The following UMAD1 variants were observed in gnomAD, a reference collection of about 807,000 sequenced individuals.
UMAD1 encodes the protein UBAP1-MVB12-associated (UMA) domain containing 1, also known as UBAP1-MVB12-associated (UMA)-domain containing protein 1.
UMAD1 carries 8 observed loss-of-function variants against 6.1 expected under a neutral mutation model. The observed-to-expected ratio is 1.30, with a 90% CI of 0.76 to 2.35. The LOEUF (loss-of-function observed/expected upper bound fraction) is 2.35, where lower values mean the gene tolerates loss of function less well. Ranked by LOEUF, UMAD1 falls within the 30% of genes most tolerant of loss-of-function variation. UMAD1 has a pLI of 0.00. For missense variants in UMAD1, 130 were observed against 78.4 expected (o/e 1.66, Z -2.49); for synonymous variants, 56 against 31.4 (o/e 1.78, Z -2.61).
chr7:7,750,731 A>C (rs1273972653), intron 2 of UMAD1, among the ~76,000 whole-genome samples: 1 of 152,208 alleles, frequency 6.6e-6, no homozygotes, highest in Non-Finnish European at 1.5e-5. Flanking sequence ...GAGGTTAAGT[A>C]ACTTGCTCAA....
At chr7:7,709,472 A>T (rs1780693636) in intron 2 of UMAD1, among the ~76,000 whole-genome samples, 1 of 152,222 alleles carries the variant, frequency 6.6e-6, no homozygotes, top group Non-Finnish European at 1.5e-5. Flanking sequence ...AATGCTGTAA[A>T]ACAAAGCAGA....
At chr7:7,778,125 T>G (rs1782257494) in intron 2 of UMAD1, among the ~76,000 whole-genome samples, 1 of 152,146 alleles carries the variant, frequency 6.6e-6, no homozygotes, top group Admixed American at 6.6e-5. Context: ...CAATATTAGG[T>G]TCTCTGAAAA....
At chr7:7,847,385 C>A (rs1783824222) in intron 3 of UMAD1, among the ~76,000 whole-genome samples, 1 of 151,468 alleles carries the variant, frequency 6.6e-6, no homozygotes, top group African/African-American at 2.4e-5. Context: ...ACAGTATTGT[C>A]ATCACCATTT....
At position 7,692,793 on chromosome 7, in the gene UMAD1, A is replaced by G. The variant is rs557821266; in HGVS notation, c.82+19340A>G. Among the ~76,000 whole-genome samples, 308 of 152,168 alleles carry G rather than the reference A, an allele frequency of 2.0e-3. 2 individuals carry two copies. The Middle Eastern group carries it at 0.027, about 13-fold the overall frequency. On this transcript the variant is annotated intron_variant, in intron 2 of 3. Transcript: ENST00000682710. ...CCCAGCTAATTTTCGTATTTTTAGT[A>G]GAGACGGGGTTCACCATGTTGGTCA...
chr7:7,752,667 C>T (rs373506852), intron 2 of UMAD1, among the ~76,000 whole-genome samples: 8 of 151,714 alleles, frequency 5.3e-5, no homozygotes, highest in Non-Finnish European at 2.9e-5. Flanking sequence ...TTTTTAATTT[C>T]GTATGTGGAA....
intron 2 of UMAD1, among the ~76,000 whole-genome samples, chr7:7,753,658 T>C (rs1781721066): frequency 6.6e-6 from 1 of 152,222 alleles, no homozygotes. Context: ...CCACGTTTTC[T>C]CTATCCGTTC....
At chr7:7,713,071 G>T (rs1304980276) in intron 2 of UMAD1, among the ~76,000 whole-genome samples, 1 of 151,974 alleles carries the variant, frequency 6.6e-6, no homozygotes, top group Non-Finnish European at 1.5e-5. Flanking sequence ...GCGCGCGGTG[G>T]CTCACACCTA....
intron 2 of UMAD1, among the ~76,000 whole-genome samples, chr7:7,752,044 T>C (rs1414375231): frequency 6.6e-6 from 1 of 152,200 alleles, no homozygotes; most frequent in Non-Finnish European, 1.5e-5. Flanking sequence ...GGAGAAATTA[T>C]AGACTCCTAA....
At chr7:7,748,147 T>C (rs569969640) in intron 2 of UMAD1, among the ~76,000 whole-genome samples, 353 of 148,012 alleles carry the variant, frequency 2.4e-3, no homozygotes, top group Admixed American at 4.9e-3. Context: ...GGTTTCACCA[T>C]GTTGGCCAGG....
rs114687133 is a variant in UMAD1 at position 7,676,856 on chromosome 7, A to G, written c.82+3403A>G. Among the ~76,000 whole-genome samples, 794 of 152,244 alleles carry G rather than the reference A, an allele frequency of 5.2e-3. 8 individuals are homozygous for G. The highest frequency in any genetic ancestry group is 0.018 in the African/African-American group (750 of 41,562). ...TGACAGATTATTAGGAATATAGTTA[A>G]TTGTCTTTAAAGTTATAGTTAATTA... On this transcript the variant is annotated intron_variant, in intron 2 of 3. Transcript: ENST00000682710.
chr7:7,667,620 GT>G (rs771390482), intron 1 of UMAD1, among the ~76,000 whole-genome samples: 2 of 152,166 alleles, frequency 1.3e-5, no homozygotes, highest in Non-Finnish European at 1.5e-5. Context: ...TATGAAGTAA[GT>G]GAAGGTCTTC....
chr7:7,768,945 T>C lies in UMAD1; in HGVS notation c.83-32725T>C. On this transcript the variant is annotated intron_variant, in intron 2 of 3. Transcript: ENST00000682710. ...AATGAGTGAGCAACTAATTAATACC[T>C]ATAGCTCTCTGTGGTATTAGATGGA... Among the ~76,000 whole-genome samples the C allele has an allele frequency of 1.3e-5, 2 of 152,226 alleles. 1 individual carries two copies. The highest frequency in any genetic ancestry group is 4.1e-4 in the South Asian group (2 of 4,826).
At chr7:7,645,465 T>G (rs1260194369) in intron 1 of UMAD1, among the ~76,000 whole-genome samples, 1 of 152,208 alleles carries the variant, frequency 6.6e-6, no homozygotes, top group Admixed American at 6.5e-5. Context: ...TATGGTTATC[T>G]CATAGGCCAG....
intron 2 of UMAD1, among the ~76,000 whole-genome samples, chr7:7,717,108 G>T (rs1192508614): frequency 1.3e-5 from 2 of 149,052 alleles, no homozygotes; most frequent in Non-Finnish European, 3.0e-5. Context: ...CCAGGCTGGA[G>T]TGCAATGGCA....
chr7:7,852,407 T>C (rs1783934221), intron 3 of UMAD1, among the ~76,000 whole-genome samples: 1 of 152,148 alleles, frequency 6.6e-6, no homozygotes, highest in Non-Finnish European at 1.5e-5. Context: ...ATCCCACAGA[T>C]TGTGGGCTCA....
intron 3 of UMAD1, among the ~76,000 whole-genome samples, chr7:7,818,948 C>T (rs1783185130): frequency 6.6e-6 from 1 of 152,182 alleles, no homozygotes; most frequent in Non-Finnish European, 1.5e-5. Context: ...CTCCCAGGTC[C>T]AAGCGATTCT....
intron 3 of UMAD1, among the ~76,000 whole-genome samples, chr7:7,856,100 C>T (rs1418282860): frequency 6.6e-6 from 1 of 152,206 alleles, no homozygotes; most frequent in Admixed American, 6.5e-5. Context: ...TTTACTACGT[C>T]TTCTAGTCTT....
At chr7:7,876,262 G>A (rs1784417404) in intron 3 of UMAD1, among the ~76,000 whole-genome samples, 1 of 152,178 alleles carries the variant, frequency 6.6e-6, no homozygotes, top group South Asian at 2.1e-4. Context: ...GCACTTGCAA[G>A]GAGCACTAGC....
chr7:7,657,044 A>G (rs896655937), intron 1 of UMAD1, among the ~76,000 whole-genome samples: 2 of 151,978 alleles, frequency 1.3e-5, no homozygotes, highest in Non-Finnish European at 2.9e-5. Context: ...TGTGGTTTTG[A>G]TTTGCATTTC....
Sources: gnomAD v4.1 joint callset for allele counts (sites outside exome capture counted in the v4.1 genomes callset) on GRCh38, gnomAD v4.1.1 for gene constraint, MANE v1.5 for transcripts, NCBI Gene and HGNC (gene_info 2026-07-23, HGNC 2026-07-21) for gene names.